Variants in MKKS observed in about 807,000 individuals in gnomAD.
MKKS encodes MKKS centrosomal shuttling protein.
MKKS carries 29 observed loss-of-function variants against 33.2 expected under a neutral mutation model. That is an observed-to-expected ratio of 0.87 (90% confidence interval 0.65 to 1.19). The LOEUF (loss-of-function observed/expected upper bound fraction) is 1.19. MKKS is among the 50% of genes most tolerant of loss of function. MKKS has a pLI of 0.00. For missense variants in MKKS, 661 were observed against 662.3 expected (o/e 1.00, Z 0.02); for synonymous variants, 260 against 244.0 (o/e 1.07, Z -0.61).
intron 1 of MKKS, among the ~76,000 whole-genome samples, chr20:10,428,406 C>T (rs3790155): frequency 0.11 from 17,464 of 152,120 alleles, 1,108 homozygotes; most frequent in East Asian, 0.24. Context: ...CCATTTCTAC[C>T]CTTCATCATT....
At chr20:10,414,480 G>T (rs1378909798) in intron 2 of MKKS, among the ~76,000 whole-genome samples, 2 of 151,974 alleles carry the variant, frequency 1.3e-5, no homozygotes, top group African/African-American at 4.8e-5. Flanking sequence ...TGCCAGGTTG[G>T]TCTCGAACTC....
intron 4 of MKKS, among the ~76,000 whole-genome samples, chr20:10,408,123 T>C (rs1172458661): frequency 6.6e-6 from 1 of 152,186 alleles, no homozygotes; most frequent in South Asian, 2.1e-4. Context: ...ATCCCAGCAA[T>C]AATAAATAAA....
At chr20:10,410,933 T>C (rs747419431) in intron 3 of MKKS, among the ~76,000 whole-genome samples, 2 of 152,038 alleles carry the variant, frequency 1.3e-5, no homozygotes, top group Non-Finnish European at 2.9e-5. Flanking sequence ...AGGTATATAT[T>C]ATGGGCTAGT....
intron 3 of MKKS, among the ~76,000 whole-genome samples, chr20:10,411,481 C>A (rs909977959): frequency 1.3e-5 from 2 of 152,106 alleles, no homozygotes; most frequent in Non-Finnish European, 2.9e-5. Flanking sequence ...CAGATTCATG[C>A]AAAGCTAGTA....
Position 10,403,228 on chromosome 20 carries a change from C to T in MKKS, c.*2019G>A, listed in dbSNP as rs1046158484. 1 of 152,216 alleles carries T rather than the reference C, an allele frequency of 6.6e-6. No homozygotes were observed. Among genetic ancestry groups the T allele is most frequent in the Non-Finnish European group, 1.5e-5 (1 of 68,068 alleles). 9.4% of individuals were successfully genotyped at this position (152,216 alleles called of 1,614,324 possible). ...GAGAGAAGGCATCAAGAGACAAACT[C>T]ATCTTTTTACCACCAAATATCAGAA... On this transcript the variant is annotated 3_prime_UTR_variant, in exon 6 of 6. Coordinates refer to ENST00000347364, the MANE Select transcript of MKKS (RefSeq NM_170784.3).
chr20:10,424,630 G>A lies in MKKS; in HGVS notation c.-648-3872C>T, dbSNP rs370721936. On this transcript the variant is annotated intron_variant, in intron 1 of 5. Coordinates refer to ENST00000347364, the MANE Select transcript of MKKS (RefSeq NM_170784.3). ...TTTTATATTTGATATGGTAGTTAGC[G>A]AGGTAATGTGTTATTTATTTTGTTT... Among the ~76,000 whole-genome samples the A allele has an allele frequency of 1.8e-3, 272 of 152,190 alleles. 7 individuals carry two copies. In the South Asian group the frequency reaches 0.045, roughly 25 times the overall value.
At chr20:10,433,632 G>A (rs1301895211) in intron 1 of MKKS, among the ~76,000 whole-genome samples, 1 of 152,134 alleles carries the variant, frequency 6.6e-6, no homozygotes, top group East Asian at 1.9e-4. Flanking sequence ...CAAGCCCCGC[G>A]GCTGCTTTCA....
chr20:10,411,941 T>C (rs1043406077), intron 3 of MKKS, among the ~76,000 whole-genome samples: 2 of 152,228 alleles, frequency 1.3e-5, no homozygotes, highest in Non-Finnish European at 2.9e-5. Flanking sequence ...TTTCGGTCAA[T>C]TCAACAAACA....
At chr20:10,417,716 A>T (rs2064950317) in intron 2 of MKKS, among the ~76,000 whole-genome samples, 1 of 152,210 alleles carries the variant, frequency 6.6e-6, no homozygotes, top group Admixed American at 6.5e-5. Context: ...ATCAGACATT[A>T]TATATGAAAC....
chr20:10,407,799 G>A, intron 4 of MKKS, 73 bp from the exon 5 acceptor site: 3 of 1,109,536 alleles, frequency 2.7e-6, no homozygotes, highest in Non-Finnish European at 4.0e-6. Flanking sequence ...TGCTCTCAAA[G>A]CATCATAGTG....
At chr20:10,419,474 A>G (rs946406732) in intron 2 of MKKS, among the ~76,000 whole-genome samples, 4 of 152,216 alleles carry the variant, frequency 2.6e-5, no homozygotes, top group Admixed American at 6.5e-5. Flanking sequence ...TGGAATAAAA[A>G]CAGTGACCTC....
At chr20:10,409,163 T>C (rs991888920) in intron 3 of MKKS, among the ~76,000 whole-genome samples, 4 of 152,252 alleles carry the variant, frequency 2.6e-5, no homozygotes, top group South Asian at 2.1e-4. Context: ...AATTAAGAAC[T>C]TCACTAATTT....
chr20:10,427,051 C>CACACAG (rs2065020303), intron 1 of MKKS, among the ~76,000 whole-genome samples: 1 of 138,806 alleles, frequency 7.2e-6, no homozygotes, highest in Admixed American at 7.0e-5. Context: ...CACACACACA[C>CACACAG]ACACACACAC....
rs1433469710 is a variant in MKKS, at chr20:10,401,543, T to G, written c.*3704A>C. 1 of 152,158 alleles carries G rather than the reference T, an allele frequency of 6.6e-6. No individual in the cohort carries two copies. The highest frequency in any genetic ancestry group is 1.9e-4 in the East Asian group (1 of 5,198). The allele number at this position is 152,158 out of a possible 1,614,324, so 9.4% of individuals were successfully genotyped here. A position where few individuals can be genotyped will look rare whatever the true frequency, so the allele number is the denominator to read the frequency against. The stretch of plus-strand genomic sequence containing the variant: ...ATCAGGAAGGAATAACCTAACTAAT[T>G]GTATGTTTTGTCAAGGCCTGCATTG... On this transcript the variant is annotated 3_prime_UTR_variant, in exon 6 of 6. Coordinates refer to ENST00000347364, the MANE Select transcript of MKKS (RefSeq NM_170784.3).
Position 10,401,171 on chromosome 20 carries a change from A to C in MKKS, c.*4076T>G, listed in dbSNP as rs1169916878. On this transcript the variant is annotated 3_prime_UTR_variant, in exon 6 of 6. Transcript: ENST00000347364. ...CGCCAAGACTAATCGTCTCTCCAAC[A>C]AACAGCTTCACTTACATTTAGGAAT... is the stretch of plus-strand genomic sequence containing the variant. 2.0e-5 allele frequency: 3 copies of C among 152,202 alleles called. No individual in the cohort carries two copies. The highest frequency in any genetic ancestry group is 2.0e-4 in the Admixed American group (3 of 15,276). The allele number at this position is 152,202 out of a possible 1,614,324, so 9.4% of individuals were successfully genotyped here. A position where few individuals can be genotyped will look rare whatever the true frequency, so the allele number is the denominator to read the frequency against.
chr20:10,420,219 T>C (rs901967662), intron 2 of MKKS, among the ~76,000 whole-genome samples: 4 of 152,252 alleles, frequency 2.6e-5, no homozygotes, highest in African/African-American at 9.6e-5. Flanking sequence ...TTGTATAAAT[T>C]TGGACTTTTG....
Position 10,404,991 on chromosome 20 carries a change from G to T in MKKS, c.*256C>A. 1 of 284,236 alleles carries T rather than the reference G, an allele frequency of 3.5e-6. No individual in the cohort carries two copies. The highest frequency in any genetic ancestry group is 6.6e-6 in the Non-Finnish European group (1 of 152,452). The allele number at this position is 284,236 out of a possible 1,614,324, so 17.6% of individuals were successfully genotyped here. A position where few individuals can be genotyped will look rare whatever the true frequency, so the allele number is the denominator to read the frequency against. On this transcript the variant is annotated 3_prime_UTR_variant, in exon 6 of 6. Coordinates refer to ENST00000347364, the MANE Select transcript of MKKS (RefSeq NM_170784.3). ...CAACATAACAAAAATTTAGAACAAT[G>T]TACAGCAGCCAGTATAGAATCCCTA...
intron 1 of MKKS, among the ~76,000 whole-genome samples, chr20:10,424,960 G>T (rs113537968): frequency 0.025 from 3,743 of 151,488 alleles, 78 homozygotes; most frequent in Non-Finnish European, 0.036. Flanking sequence ...GGCTGAGGCA[G>T]AAGAATCACT....
At chr20:10,406,809 A>G (rs1261906650) in intron 5 of MKKS, among the ~76,000 whole-genome samples, 4 of 152,192 alleles carry the variant, frequency 2.6e-5, no homozygotes, top group Non-Finnish European at 5.9e-5. Context: ...GATTGGCACA[A>G]ATTTTGTTTT....
Sources: allele counts gnomAD v4.1 joint callset (sites outside exome capture counted in the v4.1 genomes callset), GRCh38; gene constraint gnomAD v4.1.1; transcripts MANE v1.5; gene names NCBI Gene and HGNC (gene_info 2026-07-23, HGNC 2026-07-21).